The following PCK1 variants were observed in gnomAD, a reference collection of about 807,000 sequenced individuals.
The protein encoded by PCK1 is phosphoenolpyruvate carboxykinase 1.
In PCK1, 44 loss-of-function variants were observed where a neutral mutation model predicts 50.3. The ratio of observed to expected loss-of-function variants is 0.87; its 90% CI spans 0.69 to 1.12. PCK1 has a LOEUF of 1.12. PCK1 is among the 50% of genes most tolerant of loss of function. PCK1 has a pLI of 0.00. For missense variants in PCK1, 790 were observed against 815.0 expected (o/e 0.97, Z 0.37); for synonymous variants, 332 against 314.3 (o/e 1.06, Z -0.59).
At chr20:57,561,865 T>TA (rs1174146063) in intron 2 of PCK1, 21 of 607,994 alleles carry the variant, frequency 3.5e-5, no homozygotes, top group Non-Finnish European at 4.6e-5. Flanking sequence ...GATTCCTGAT[T>TA]AAAAAAAAGG....
chr20:57,565,747 C>G lies in PCK1; in HGVS notation c.1812C>G (p.Leu604=), dbSNP rs2070198603. 2 of 1,613,472 alleles carry G rather than the reference C, an allele frequency of 1.2e-6. No individual in the cohort carries two copies. Among genetic ancestry groups the G allele is most frequent in the Admixed American group, 1.7e-5 (1 of 59,994 alleles). The change falls in exon 10 of 10, where the codon CTC becomes CTG. Residue 604 remains leucine, a synonymous_variant. Transcript: ENST00000319441. ...KYLEDQVNAD[L]PCEIEREILA... ...TGGAGGATCAAGTCAATGCCGACCT[C>G]CCCTGTGAAATCGAGAGAGAGATCC...
In PCK1 at chr20:57,566,718, G is replaced by A. The variant is rs1331831492; in HGVS notation, c.*914G>A. 6.6e-6 allele frequency: 1 copy of A among 152,200 alleles called. No homozygotes were observed. The highest frequency in any genetic ancestry group is 1.5e-5 in the Non-Finnish European group (1 of 68,042). The allele number at this position is 152,200 out of a possible 1,614,324, so 9.4% of individuals were successfully genotyped here. A position where few individuals can be genotyped will look rare whatever the true frequency, so the allele number is the denominator to read the frequency against. ...CCTTTAACAATTCTACAAACCTTTA[G>A]ATGGTGAGGCTTATGTGGCAGGACT... On this transcript the variant is annotated 3_prime_UTR_variant, in exon 10 of 10. Transcript: ENST00000319441.
chr20:57,567,064 A>G lies in PCK1; in HGVS notation c.*1260A>G, dbSNP rs1434111252. Reference sequence around the variant, plus strand: ...CCCTCACCTGCTCTCCTCTACTCCCAGTGTTTATTGGATATTCCAGAACAG... The same window carrying G: ...CCCTCACCTGCTCTCCTCTACTCCCGGTGTTTATTGGATATTCCAGAACAG... On this transcript the variant is annotated 3_prime_UTR_variant, in exon 10 of 10. Transcript: ENST00000319441. 1.3e-5 allele frequency: 2 copies of G among 152,182 alleles called. No homozygotes were observed. The highest frequency in any genetic ancestry group is 1.3e-4 in the Admixed American group (2 of 15,282). 9.4% of individuals were successfully genotyped at this position (152,182 alleles called of 1,614,324 possible).
Position 57,562,678 on chromosome 20 carries a change from A to T in PCK1, c.407-18A>T. ...CCAAGGTCATTTCTCACCAGTGCCC[A>T]CCCATCGCACCCTGTAGGTCGCACC... is the stretch of plus-strand genomic sequence containing the variant. On this transcript the variant is annotated intron_variant, in intron 3 of 9. Transcript: ENST00000319441. The T allele has an allele frequency of 6.2e-7, 1 of 1,605,892 alleles. No individual in the cohort carries two copies. The highest frequency in any genetic ancestry group is 1.1e-5 in the South Asian group (1 of 90,682).
At position 57,561,356 on chromosome 20, in the gene PCK1, G is replaced by A; in HGVS notation, c.-40-16G>A. ...GTTGTTGTTTTTGTTCAGGACGCTT[G>A]CGTTTTCTATTTCAGGTGACCTCAC... On this transcript the variant is annotated splice_polypyrimidine_tract_variant and intron_variant, in intron 1 of 9. Coordinates refer to ENST00000319441, the MANE Select transcript of PCK1 (RefSeq NM_002591.4). The A allele has an allele frequency of 2.6e-6, 3 of 1,153,236 alleles. No homozygotes were observed. The highest frequency in any genetic ancestry group is 2.4e-5 in the East Asian group (1 of 42,472). 71.4% of individuals were successfully genotyped at this position (1,153,236 alleles called of 1,614,324 possible). A position where few individuals can be genotyped will look rare whatever the true frequency, so the allele number is the denominator to read the frequency against.
Position 57,563,581 on chromosome 20 carries a change from A to G in PCK1, c.815A>G (p.Asn272Ser), listed in dbSNP as rs558731216. 3.1e-6 allele frequency: 5 copies of G among 1,610,038 alleles called. No individual in the cohort carries two copies. The South Asian group carries it at 5.5e-5, about 18-fold the overall frequency. The change falls in exon 6 of 10, where the codon AAC becomes AGC. Residue 272 changes from asparagine to serine, a missense_variant. By Grantham distance (46) the Asn-to-Ser change is conservative. Transcript: ENST00000319441. ...AEHMLILGIT[N>S]PEGEKKYLAA... Reference sequence around the variant, plus strand: ...CCCCAACAGATTCTGGGTATAACCAACCCTGAGGGTGAGAAGAAGTACCTG... The same window carrying G: ...CCCCAACAGATTCTGGGTATAACCAGCCCTGAGGGTGAGAAGAAGTACCTG...
At chr20:57,562,275 T>C in intron 3 of PCK1, 23 bp downstream of exon 3, 2 of 1,597,734 alleles carry the variant, frequency 1.3e-6, no homozygotes, top group South Asian at 2.2e-5. Context: ...TTGATTTGAT[T>C]GGGTAAAACA....
Position 57,562,750 on chromosome 20 carries a change from C to G in PCK1, c.461C>G (p.Ser154Ter). Residue 154 changes from serine (S) to a stop codon, truncating the protein, a stop_gained, in exon 4 of 10, where the codon TCA becomes TGA. Transcript: ENST00000319441. LOFTEE classifies it high-confidence loss of function. ...ATGGGGCCGCTGGGCTCGCCTCTGT[C>G]AAAGATCGGCATCGAGCTGACGGAT... ...FSMGPLGSPL[S>*]KIGIELTDSP... 6.2e-7 allele frequency: 1 copy of G among 1,614,058 alleles called. No individual in the cohort carries two copies. Among genetic ancestry groups the G allele is most frequent in the Non-Finnish European group, 8.5e-7 (1 of 1,179,974 alleles).
At chr20:57,562,437 T>C (rs973165769) in intron 3 of PCK1, 185 bp downstream of exon 3, 12 of 646,404 alleles carry the variant, frequency 1.9e-5, no homozygotes, top group African/African-American at 1.8e-4. Context: ...GACTGTCTTA[T>C]ACAAACGTGA....
At position 57,567,305 on chromosome 20, in the gene PCK1, G is replaced by T. The variant is rs2070213446; in HGVS notation, c.*1501G>T. The T allele has an allele frequency of 6.6e-6, 1 of 152,058 alleles. No individual in the cohort carries two copies. Among genetic ancestry groups the T allele is most frequent in the South Asian group, 2.1e-4 (1 of 4,818 alleles). The allele number at this position is 152,058 out of a possible 1,614,324, so 9.4% of individuals were successfully genotyped here. A position where few individuals can be genotyped will look rare whatever the true frequency, so the allele number is the denominator to read the frequency against. ...CTCACTTCCTCTGCTCCTTACAATG[G>T]CTTCATATGGAAGGTGAAGCTGAGA... On this transcript the variant is annotated 3_prime_UTR_variant, in exon 10 of 10. Coordinates refer to ENST00000319441, the MANE Select transcript of PCK1 (RefSeq NM_002591.4).
At position 57,566,856 on chromosome 20, in the gene PCK1, C is replaced by G. The variant is rs1391719371; in HGVS notation, c.*1052C>G. ...GATTTTGCCTTTTAACTCTTCAAAG[C>G]AACAGTTTTCTCAACTGTCATCCCC... is the stretch of plus-strand genomic sequence containing the variant. On this transcript the variant is annotated 3_prime_UTR_variant, in exon 10 of 10. Transcript: ENST00000319441. The G allele has an allele frequency of 6.6e-6, 1 of 152,140 alleles. No individual in the cohort carries two copies. Among genetic ancestry groups the G allele is most frequent in the South Asian group, 2.1e-4 (1 of 4,822 alleles). The allele number at this position is 152,140 out of a possible 1,614,324, so 9.4% of individuals were successfully genotyped here.
At position 57,562,900 on chromosome 20, in the gene PCK1, G is replaced by GT; in HGVS notation, c.610+2dup. 6.2e-7 allele frequency: 1 copy of GT among 1,605,164 alleles called. No individual in the cohort carries two copies. Among genetic ancestry groups the GT allele is most frequent in the Non-Finnish European group, 8.5e-7 (1 of 1,172,046 alleles). On this transcript the variant is annotated splice_donor_variant, in intron 4 of 9. Coordinates refer to ENST00000319441, the MANE Select transcript of PCK1 (RefSeq NM_002591.4). LOFTEE classifies it high-confidence loss of function. The stretch of plus-strand genomic sequence containing the variant: ...GTGGGGTGCCCTCTGCCTTTACAAA[G>GT]TAAGTGTATTATTTCAGAATCAAAA...
Position 57,563,626 on chromosome 20 carries a change from C to A in PCK1, c.860C>A (p.Ala287Asp). 1 of 1,612,520 alleles carries A rather than the reference C, an allele frequency of 6.2e-7. No individual in the cohort carries two copies. Among genetic ancestry groups the A allele is most frequent in the Non-Finnish European group, 8.5e-7 (1 of 1,178,540 alleles). The change falls in exon 6 of 10, where the codon GCC becomes GAC. Residue 287 changes from alanine to aspartate, a missense_variant. Coordinates refer to ENST00000319441, the MANE Select transcript of PCK1 (RefSeq NM_002591.4). ...KKYLAAAFPS[A>D]CGKTNLAMMN... ...TACCTGGCGGCCGCATTTCCCAGCG[C>A]CTGCGGGAAGACCAACCTGGCCATG...
rs777300781 is a variant in PCK1, at chr20:57,565,119, G to A, written c.1398G>A (p.Ala466=). 29 of 1,613,722 alleles carry A rather than the reference G, an allele frequency of 1.8e-5. No individual in the cohort carries two copies. Among genetic ancestry groups the A allele is most frequent in the Middle Eastern group, 1.6e-4 (1 of 6,062 alleles). The change falls in exon 9 of 10, where the codon GCG becomes GCA. Residue 466 remains alanine (A), a synonymous_variant. Coordinates refer to ENST00000319441, the MANE Select transcript of PCK1 (RefSeq NM_002591.4). ...CGGCCATGAGATCAGAGGCCACAGC[G>A]GCTGCAGAACATAAAGGTAAATCAA... ...VGAAMRSEAT[A]AAEHKGKIIM... is the part of the protein sequence containing the mutation.
intron 8 of PCK1, 147 bp downstream of exon 8, chr20:57,564,760 G>A: frequency 1.3e-6 from 1 of 753,844 alleles, no homozygotes; most frequent in South Asian, 1.8e-5. Context: ...CAGAATAATT[G>A]GCAAGTTCAA....
Position 57,565,399 on chromosome 20 carries a change from C to T in PCK1, c.1464C>T (p.Tyr488=), listed in dbSNP as rs149173285. The T allele has an allele frequency of 1.2e-6, 2 of 1,614,108 alleles. No homozygotes were observed. Among genetic ancestry groups the T allele is most frequent in the African/African-American group, 2.7e-5 (2 of 74,936 alleles). Residue 488 remains tyrosine, a synonymous_variant, in exon 10 of 10, where the codon TAC becomes TAT. Coordinates refer to ENST00000319441, the MANE Select transcript of PCK1 (RefSeq NM_002591.4). Reference sequence around the variant, plus strand: ...TTGCCATGCGGCCCTTCTTTGGCTACAACTTCGGCAAATACCTGGCCCACT... The same window carrying T: ...TTGCCATGCGGCCCTTCTTTGGCTATAACTTCGGCAAATACCTGGCCCACT... ...DPFAMRPFFG[Y]NFGKYLAHWL...
At chr20:57,563,255 T>TGG in intron 5 of PCK1, 40 bp downstream of exon 5, 1 of 1,580,386 alleles carries the variant, frequency 6.3e-7, no homozygotes, top group Non-Finnish European at 8.7e-7. Flanking sequence ...ATGAGAGGCC[T>TGG]GGGGGGTGGC....
At position 57,565,606 on chromosome 20, in the gene PCK1, C is replaced by G. The variant is rs371151851; in HGVS notation, c.1671C>G (p.Tyr557Ter). The change falls in exon 10 of 10, where the codon TAC (tyrosine) becomes TAG (stop). Residue 557 changes from tyrosine to a stop codon, truncating the protein, a stop_gained. Transcript: ENST00000319441. LOFTEE classifies it low-confidence loss of function (END_TRUNC). ...GCACCAAGCTCACGCCCATAGGCTA[C>G]ATCCCCAAGGAGGATGCCCTGAACC... ...KASTKLTPIG[Y>*]IPKEDALNLK... The G allele has an allele frequency of 3.7e-5, 59 of 1,614,066 alleles. No homozygotes were observed. The highest frequency in any genetic ancestry group is 4.7e-5 in the Non-Finnish European group (56 of 1,180,036).
chr20:57,563,584 C>A lies in PCK1; in HGVS notation c.818C>A (p.Pro273His), dbSNP rs1306089208. The A allele has an allele frequency of 6.2e-7, 1 of 1,610,690 alleles. No homozygotes were observed. Among genetic ancestry groups the A allele is most frequent in the Non-Finnish European group, 8.5e-7 (1 of 1,177,592 alleles). ...CAACAGATTCTGGGTATAACCAACC[C>A]TGAGGGTGAGAAGAAGTACCTGGCG... The part of the protein sequence containing the change: ...EHMLILGITN[P>H]EGEKKYLAAA... Residue 273 changes from proline to histidine, a missense_variant, in exon 6 of 10, where the codon CCT becomes CAT. By Grantham distance (77) the Pro-to-His change is moderately conservative. Coordinates refer to ENST00000319441, the MANE Select transcript of PCK1 (RefSeq NM_002591.4).
Sources: allele counts gnomAD v4.1 joint callset, GRCh38; gene constraint gnomAD v4.1.1; transcripts MANE v1.5; gene names NCBI Gene and HGNC (gene_info 2026-07-23, HGNC 2026-07-21).